Variants in KIAA1217 observed in about 807,000 individuals in gnomAD.
KIAA1217 encodes the protein KIAA1217, also known as sickle tail protein homolog.
KIAA1217 carries 88 observed loss-of-function variants against 163.9 expected under a neutral mutation model. That is an observed-to-expected ratio of 0.54 (90% CI 0.45 to 0.64). KIAA1217 has a LOEUF of 0.64. Ranked by LOEUF, KIAA1217 falls within the 30% of genes least tolerant of loss-of-function variation. KIAA1217 has a pLI of 0.00. For missense variants in KIAA1217, 2,372 were observed against 2,475.0 expected (o/e 0.96, Z 0.88); for synonymous variants, 903 against 923.1 (o/e 0.98, Z 0.39).
At chr10:23,784,852 A>T (rs552753289) in intron 1 of KIAA1217, among the ~76,000 whole-genome samples, 75 of 152,178 alleles carry the variant, frequency 4.9e-4, no homozygotes, top group African/African-American at 1.7e-3. Context: ...ACCACTTTTA[A>T]AACCCAGTTT....
chr10:24,340,676 A>G (rs189878322), intron 2 of KIAA1217, among the ~76,000 whole-genome samples: 22 of 152,292 alleles, frequency 1.4e-4, no homozygotes, highest in Admixed American at 1.4e-3. Flanking sequence ...CTCCGCTGGC[A>G]CAAGCAGAGC....
intron 17 of KIAA1217, among the ~76,000 whole-genome samples, chr10:24,541,131 C>T (rs1225834669): frequency 6.6e-6 from 1 of 151,084 alleles, no homozygotes; most frequent in Non-Finnish European, 1.5e-5. Context: ...CCAGGCTGTT[C>T]TCGAACTCCT....
At position 24,425,342 on chromosome 10, in the gene KIAA1217, C is replaced by T. The variant is rs561328267; in HGVS notation, c.554-7653C>T. 7.2e-5 allele frequency among the ~76,000 whole-genome samples: 11 copies of T among 152,184 alleles called. 1 individual carries two copies. Among genetic ancestry groups the T allele is most frequent in the Admixed American group, 2.0e-4 (3 of 15,290 alleles). ...GAACCTAACGAAACCAAGTTTCAGGCCCCTCTAAATATAAATGTTCACTTT... is the reference window on the plus strand; with the variant it reads ...GAACCTAACGAAACCAAGTTTCAGGTCCCTCTAAATATAAATGTTCACTTT... On this transcript the variant is annotated intron_variant, in intron 3 of 20. Transcript: ENST00000376454.
At chr10:23,722,174 T>C (rs1407013046) in intron 1 of KIAA1217, among the ~76,000 whole-genome samples, 1 of 152,164 alleles carries the variant, frequency 6.6e-6, no homozygotes, top group Non-Finnish European at 1.5e-5. Context: ...GGTGGTTCCC[T>C]GAGGCTGGGG....
intron 6 of KIAA1217, among the ~76,000 whole-genome samples, chr10:24,491,217 G>C (rs2066077262): frequency 6.7e-6 from 1 of 150,232 alleles, no homozygotes; most frequent in Non-Finnish European, 1.5e-5. Context: ...CCTCGAGGAT[G>C]AATCAGTAGA....
chr10:24,043,664 T>C (rs565198259), intron 2 of KIAA1217, among the ~76,000 whole-genome samples: 6 of 152,252 alleles, frequency 3.9e-5, no homozygotes, highest in Non-Finnish European at 7.4e-5. Context: ...AAAACTTTCT[T>C]TTCTGTTAGA....
chr10:24,340,944 T>C (rs1019074980), intron 2 of KIAA1217, among the ~76,000 whole-genome samples: 35 of 151,878 alleles, frequency 2.3e-4, no homozygotes, highest in Non-Finnish European at 2.9e-5. Context: ...CGTGCACGCT[T>C]GTAAATGTGT....
intron 2 of KIAA1217, among the ~76,000 whole-genome samples, chr10:24,103,006 T>C (rs1297429384): frequency 6.6e-6 from 1 of 152,180 alleles, no homozygotes; most frequent in East Asian, 1.9e-4. Context: ...CCTGCTGCCA[T>C]GTGAGATGTG....
chr10:24,071,805 A>G (rs2061196343), intron 2 of KIAA1217, among the ~76,000 whole-genome samples: 1 of 152,234 alleles, frequency 6.6e-6, no homozygotes, highest in South Asian at 2.1e-4. Flanking sequence ...AAGAAAAATA[A>G]AGTGAGTGTT....
chr10:24,309,615 CG>C (rs1007291682), intron 2 of KIAA1217, among the ~76,000 whole-genome samples: 1 of 152,168 alleles, frequency 6.6e-6, no homozygotes, highest in African/African-American at 2.4e-5. Context: ...ACAAAATCAT[CG>C]TAGTCTTGAG....
chr10:24,145,362 T>A (rs1297878510), intron 2 of KIAA1217, among the ~76,000 whole-genome samples: 5 of 152,240 alleles, frequency 3.3e-5, no homozygotes, highest in Non-Finnish European at 7.3e-5. Flanking sequence ...TGGAGATTAG[T>A]CAGAAGCTTA....
intron 2 of KIAA1217, among the ~76,000 whole-genome samples, chr10:24,354,281 A>G (rs150270217): frequency 0.036 from 5,460 of 152,296 alleles, 138 homozygotes; most frequent in Middle Eastern, 0.058. Context: ...GACGTGAGAC[A>G]GGGGTGTGGC....
intron 1 of KIAA1217, among the ~76,000 whole-genome samples, chr10:23,727,850 A>C (rs778118198): frequency 6.6e-6 from 1 of 152,028 alleles, no homozygotes; most frequent in African/African-American, 2.4e-5. Flanking sequence ...CTCTGTGTCC[A>C]TGTGTTCTCA....
At chr10:24,057,284 A>T (rs1240124861) in intron 2 of KIAA1217, among the ~76,000 whole-genome samples, 2 of 152,186 alleles carry the variant, frequency 1.3e-5, no homozygotes, top group African/African-American at 4.8e-5. Flanking sequence ...TTATGGCAAC[A>T]TAACACGTGA....
At chr10:24,404,372 TCC>T in intron 3 of KIAA1217, among the ~76,000 whole-genome samples, 1 of 151,658 alleles carries the variant, frequency 6.6e-6, no homozygotes, top group Middle Eastern at 3.4e-3. Flanking sequence ...ATGGAGACCC[TCC>T]TGGCCAACAT....
chr10:24,432,411 C>A (rs2059675307), intron 3 of KIAA1217, among the ~76,000 whole-genome samples: 1 of 152,032 alleles, frequency 6.6e-6, no homozygotes, highest in Non-Finnish European at 1.5e-5. Flanking sequence ...AGTTACCGAG[C>A]CTGGCCAAGT....
chr10:23,959,185 G>A (rs2131369484), intron 1 of KIAA1217, among the ~76,000 whole-genome samples: 1 of 152,154 alleles, frequency 6.6e-6, no homozygotes, highest in South Asian at 2.1e-4. Flanking sequence ...GTGTAGGGGA[G>A]GAAAAGATTC....
chr10:24,169,370 A>G (rs149291567), intron 2 of KIAA1217, among the ~76,000 whole-genome samples: 3,058 of 151,694 alleles, frequency 0.02, 38 homozygotes, highest in Middle Eastern at 0.052. Flanking sequence ...TTTCTTACCC[A>G]CAATCACCCT....
chr10:24,123,671 ACCCCAGACC>A (rs2063367607), intron 2 of KIAA1217, among the ~76,000 whole-genome samples: 1 of 152,108 alleles, frequency 6.6e-6, no homozygotes, highest in Admixed American at 6.6e-5. Context: ...CTTAAGTCCC[ACCCCAGACC>A]AATTAAATCA....
Sources: allele counts gnomAD v4.1 joint callset (sites outside exome capture counted in the v4.1 genomes callset), GRCh38; gene constraint gnomAD v4.1.1; transcripts MANE v1.5; gene names NCBI Gene and HGNC (gene_info 2026-07-23, HGNC 2026-07-21).